The following CMSS1 variants were observed in gnomAD, a reference collection of about 807,000 sequenced individuals.
CMSS1 encodes cms1 ribosomal small subunit homolog, also known as protein CMSS1.
CMSS1 carries 33 observed loss-of-function variants against 43.5 expected under a neutral mutation model. The ratio of observed to expected loss-of-function variants is 0.76; its 90% CI spans 0.57 to 1.01. CMSS1 has a LOEUF of 1.01. Ranked by LOEUF, CMSS1 falls within the 50% of genes least tolerant of loss-of-function variation. The pLI is 0.00. For synonymous variants in CMSS1, 115 were observed against 117.2 expected (o/e 0.98, Z 0.12); for missense variants, 313 against 326.4 (o/e 0.96, Z 0.32).
chr3:99,989,685 T>TA (rs1491169651), intron 1 of CMSS1, among the ~76,000 whole-genome samples: 2 of 102,740 alleles, frequency 1.9e-5, no homozygotes, highest in South Asian at 6.9e-4. Context: ...TATATATATA[T>TA]TTTTTTTCTT....
At chr3:99,842,325 A>G (rs1943169037) in intron 1 of CMSS1, among the ~76,000 whole-genome samples, 1 of 152,124 alleles carries the variant, frequency 6.6e-6, no homozygotes, top group Non-Finnish European at 1.5e-5. Flanking sequence ...CACTCTGGGG[A>G]CTCAGGGGAA....
At chr3:100,023,743 C>T (rs1253272633) in intron 1 of CMSS1, among the ~76,000 whole-genome samples, 1 of 152,072 alleles carries the variant, frequency 6.6e-6, no homozygotes. Context: ...CTGGTCTCGC[C>T]ATTGCAAACT....
intron 2 of CMSS1, among the ~76,000 whole-genome samples, chr3:100,154,636 A>T (rs932743092): frequency 4.6e-5 from 7 of 152,276 alleles, no homozygotes; most frequent in East Asian, 1.9e-4. Context: ...GGCAATTTAA[A>T]TTTTTTTATT....
At position 100,091,813 on chromosome 3, in the gene CMSS1, G is replaced by A. The variant is rs149231154; in HGVS notation, c.65-55160G>A. Among the ~76,000 whole-genome samples the A allele has an allele frequency of 7.3e-3, 1,112 of 152,208 alleles. 18 individuals are homozygous for A. The highest frequency in any genetic ancestry group is 0.024 in the African/African-American group (1,015 of 41,520). On this transcript the variant is annotated intron_variant, in intron 1 of 9. Coordinates refer to ENST00000421999, the MANE Select transcript of CMSS1 (RefSeq NM_032359.4). Reference sequence around the variant, plus strand: ...CTTAAGACAGGATTATTTGCTCAGCGTCTCCTCTCGTGATTCACAGGTACA... The same window carrying A: ...CTTAAGACAGGATTATTTGCTCAGCATCTCCTCTCGTGATTCACAGGTACA...
intron 1 of CMSS1, among the ~76,000 whole-genome samples, chr3:99,818,746 C>G (rs1232913174): frequency 1.3e-5 from 2 of 152,300 alleles, no homozygotes; most frequent in Middle Eastern, 3.4e-3. Context: ...ACAAAGCTAG[C>G]TCCTTTCAGA....
At chr3:99,909,669 C>T (rs527845538) in intron 1 of CMSS1, among the ~76,000 whole-genome samples, 1 of 152,208 alleles carries the variant, frequency 6.6e-6, no homozygotes, top group Admixed American at 6.5e-5. Context: ...TCATGTTTTT[C>T]ATCATACAGA....
At chr3:100,143,827 T>TG (rs928869428) in intron 1 of CMSS1, among the ~76,000 whole-genome samples, 2 of 152,212 alleles carry the variant, frequency 1.3e-5, no homozygotes, top group Admixed American at 1.3e-4. Flanking sequence ...TCTCATTCTC[T>TG]GGTAATTTTC....
At chr3:99,931,093 T>G in intron 1 of CMSS1, 2 of 1,349,386 alleles carry the variant, frequency 1.5e-6, no homozygotes, top group Admixed American at 2.0e-5. Context: ...AGAGTACCTA[T>G]TACTGCTTTA....
At chr3:99,902,135 A>T (rs1706457034) in intron 1 of CMSS1, among the ~76,000 whole-genome samples, 2 of 152,322 alleles carry the variant, frequency 1.3e-5, no homozygotes, top group Non-Finnish European at 2.9e-5. Context: ...AATATTCATG[A>T]TGTTATATTA....
chr3:100,091,966 T>C (rs768434756), intron 1 of CMSS1, among the ~76,000 whole-genome samples: 4 of 152,236 alleles, frequency 2.6e-5, no homozygotes, highest in Admixed American at 6.5e-5. Flanking sequence ...CGCTGATCTT[T>C]ACCAGCTATC....
intron 1 of CMSS1, among the ~76,000 whole-genome samples, chr3:99,958,171 CA>C (rs1708388217): frequency 6.7e-6 from 1 of 148,608 alleles, no homozygotes; most frequent in South Asian, 2.1e-4. Flanking sequence ...CTGCAGCTAT[CA>C]ACCCATCACC....
intron 1 of CMSS1, chr3:99,875,923 T>G: frequency 2.5e-6 from 1 of 399,560 alleles, no homozygotes; most frequent in Non-Finnish European, 3.4e-6. Flanking sequence ...TGGAAACGGT[T>G]TTGAACCTAG....
chr3:100,107,286 TAG>T (rs2066411792), intron 1 of CMSS1, among the ~76,000 whole-genome samples: 1 of 152,182 alleles, frequency 6.6e-6, no homozygotes, highest in Non-Finnish European at 1.5e-5. Flanking sequence ...CTAGGTTATT[TAG>T]GTCATGATTG....
intron 1 of CMSS1, among the ~76,000 whole-genome samples, chr3:100,097,391 G>T (rs904758960): frequency 1.1e-4 from 16 of 152,176 alleles, no homozygotes; most frequent in African/African-American, 3.9e-4. Flanking sequence ...TGCAAATACT[G>T]TGCTATTTTA....
At chr3:99,893,087 A>C (rs1257651093) in intron 1 of CMSS1, among the ~76,000 whole-genome samples, 3 of 151,998 alleles carry the variant, frequency 2.0e-5, no homozygotes, top group African/African-American at 7.3e-5. Context: ...TACTGGGAAG[A>C]AATCTGGGGA....
At chr3:99,998,812 G>T (rs750438176) in intron 1 of CMSS1, among the ~76,000 whole-genome samples, 1 of 152,084 alleles carries the variant, frequency 6.6e-6, no homozygotes, top group Admixed American at 6.5e-5. Context: ...CTCGTGATCC[G>T]CCCGCCTTAG....
At chr3:99,935,626 C>T (rs571806906) in intron 1 of CMSS1, among the ~76,000 whole-genome samples, 1 of 152,206 alleles carries the variant, frequency 6.6e-6, no homozygotes, top group Non-Finnish European at 1.5e-5. Flanking sequence ...TTCCTCACCC[C>T]CTGATGGATC....
chr3:100,127,012 A>G (rs1292506833), intron 1 of CMSS1, among the ~76,000 whole-genome samples: 3 of 151,460 alleles, frequency 2.0e-5, no homozygotes, highest in East Asian at 3.9e-4. Context: ...AAAAAAAAAG[A>G]AAGTTGGGCA....
At chr3:100,091,352 T>C (rs2066106311) in intron 1 of CMSS1, among the ~76,000 whole-genome samples, 1 of 151,900 alleles carries the variant, frequency 6.6e-6, no homozygotes. Flanking sequence ...TATGTGTATG[T>C]ATGTTCACCT....
Sources: allele counts gnomAD v4.1 joint callset (sites outside exome capture counted in the v4.1 genomes callset), GRCh38; gene constraint gnomAD v4.1.1; transcripts MANE v1.5; gene names NCBI Gene and HGNC (gene_info 2026-07-23, HGNC 2026-07-21).